Variants in MAOB observed in about 807,000 individuals in gnomAD.
The protein encoded by MAOB is monoamine oxidase B.
In MAOB, 15 loss-of-function variants were observed where a neutral mutation model predicts 41.9. The observed-to-expected ratio is 0.36, with a 90% CI of 0.24 to 0.55. The LOEUF is 0.55. Ranked by LOEUF, MAOB falls within the 20% of genes least tolerant of loss-of-function variation. The pLI is 0.86. For synonymous variants in MAOB, 167 were observed against 144.2 expected (o/e 1.16, Z -1.13); for missense variants, 345 against 398.7 (o/e 0.87, Z 1.15).
intron 3 of MAOB, among the ~76,000 whole-genome samples, chrX:43,822,729 A>G (rs768558845): frequency 5.4e-5 from 6 of 111,982 alleles, no homozygotes; most frequent in Non-Finnish European, 1.1e-4. Context: ...ATTGACACCC[A>G]TATGCTTTTT....
At chrX:43,863,668 T>C (rs2035347663) in intron 1 of MAOB, among the ~76,000 whole-genome samples, 1 of 111,827 alleles carries the variant, frequency 8.9e-6, no homozygotes, top group African/African-American at 3.2e-5. Context: ...TCTTCACAAC[T>C]GATCAACTTT....
intron 11 of MAOB, among the ~76,000 whole-genome samples, chrX:43,777,456 A>G (rs959474339): frequency 1.8e-5 from 2 of 111,542 alleles, no homozygotes; most frequent in East Asian, 5.6e-4. Context: ...ATTTGCTGAG[A>G]AAGAATTCCA....
intron 9 of MAOB, 26 bp downstream of exon 9, chrX:43,781,422 G>A (rs1313927517): frequency 3.1e-6 from 3 of 979,369 alleles, no homozygotes; most frequent in Non-Finnish European, 4.2e-6. Flanking sequence ...CTGAATAGCA[G>A]CCACAACACC....
rs190784774 is a variant in MAOB, at chrX:43,842,578, A to T, written c.141+1092T>A. 8.9e-5 allele frequency among the ~76,000 whole-genome samples: 10 copies of T among 112,252 alleles called. No homozygotes were observed. In the East Asian group the frequency reaches 2.8e-3, roughly 31 times the overall value. On this transcript the variant is annotated intron_variant, in intron 2 of 14. Coordinates refer to ENST00000378069, the MANE Select transcript of MAOB (RefSeq NM_000898.5). The stretch of plus-strand genomic sequence containing the variant: ...TCAGCAATCCCATTTTTGGGAATAT[A>T]TCCAAAAGAATTGAAGTCAATATGT...
intron 9 of MAOB, 66 bp downstream of exon 9, chrX:43,781,382 T>C (rs970540369): frequency 1.3e-5 from 8 of 630,219 alleles, no homozygotes; most frequent in Non-Finnish European, 1.8e-5. Context: ...GGGGCACATT[T>C]GTTAATAGTA....
At chrX:43,843,889 T>C in intron 1 of MAOB, 125 bp from the exon 2 acceptor site, 2 of 1,031,629 alleles carry the variant, frequency 1.9e-6, no homozygotes, top group South Asian at 7.3e-5. Context: ...ACATTCAACT[T>C]ACAAGTGGAT....
chrX:43,778,563 A>T, intron 11 of MAOB, 119 bp downstream of exon 11: 2 of 558,121 alleles, frequency 3.6e-6, no homozygotes, highest in Non-Finnish European at 5.7e-6. Context: ...ATGCCTCTGC[A>T]AATATATTGG....
chrX:43,878,408 TTGTGTGTGTGTG>T (rs66511222), intron 1 of MAOB, among the ~76,000 whole-genome samples: 31 of 88,873 alleles, frequency 3.5e-4, no homozygotes, highest in Non-Finnish European at 1.8e-4. Context: ...TACCCAGCCT[TTGTGTGTGTGTG>T]TGTGTGTGTG....
At chrX:43,851,400 GAC>G (rs2035251404) in intron 1 of MAOB, among the ~76,000 whole-genome samples, 2 of 110,883 alleles carry the variant, frequency 1.8e-5, no homozygotes, top group Admixed American at 1.9e-4. Flanking sequence ...GAAATATTCT[GAC>G]ACAGGCATAC....
chrX:43,779,334 C>T lies in MAOB; in HGVS notation c.1080-595G>A, dbSNP rs981797181. 8.1e-5 allele frequency among the ~76,000 whole-genome samples: 9 copies of T among 111,656 alleles called. No individual in the cohort carries two copies. In the South Asian group the frequency reaches 2.2e-3, roughly 28 times the overall value. On this transcript the variant is annotated intron_variant, in intron 10 of 14. Transcript: ENST00000378069. ...TGAAAGAAATAAAGTAGGATGCTTA[C>T]GTTATTTTCTTACACCAAAATATGT...
chrX:43,816,443 A>G (rs971358682), intron 3 of MAOB, among the ~76,000 whole-genome samples: 1 of 112,232 alleles, frequency 8.9e-6, no homozygotes, highest in Admixed American at 9.4e-5. Flanking sequence ...GATCTCAATG[A>G]AACTGTAAGT....
chrX:43,830,479 T>A (rs761100125), intron 3 of MAOB, among the ~76,000 whole-genome samples: 10 of 112,134 alleles, frequency 8.9e-5, no homozygotes, highest in Non-Finnish European at 1.5e-4. Context: ...ACTTTATTTA[T>A]CTATTTATGA....
At chrX:43,773,354 C>T (rs981498174) in intron 12 of MAOB, among the ~76,000 whole-genome samples, 4 of 111,939 alleles carry the variant, frequency 3.6e-5, no homozygotes, top group African/African-American at 6.5e-5. Flanking sequence ...TTATTCCCTT[C>T]CAGGGACATA....
At chrX:43,872,683 T>C (rs2035415733) in intron 1 of MAOB, among the ~76,000 whole-genome samples, 1 of 112,112 alleles carries the variant, frequency 8.9e-6, no homozygotes. Context: ...TCATATGAAC[T>C]AATGTTATAA....
intron 10 of MAOB, 41 bp from the exon 11 acceptor site, chrX:43,778,780 AGGGAGGG>A (rs1186614000): frequency 6.5e-6 from 7 of 1,075,748 alleles, no homozygotes; most frequent in South Asian, 4.0e-5. Context: ...AAAGGAAAGA[AGGGAGGG>A]AAAAAAAAAG....
intron 1 of MAOB, among the ~76,000 whole-genome samples, chrX:43,851,265 A>G (rs984038555): frequency 8.9e-6 from 1 of 112,210 alleles, no homozygotes; most frequent in Non-Finnish European, 1.9e-5. Context: ...GTGTGTATGC[A>G]TAAACATACT....
At chrX:43,831,600 A>C (rs1046938946) in intron 3 of MAOB, among the ~76,000 whole-genome samples, 8 of 111,028 alleles carry the variant, frequency 7.2e-5, no homozygotes, top group African/African-American at 2.6e-4. Context: ...GAAGAAAGGA[A>C]GGAGGGAGAA....
At chrX:43,790,614 C>T (rs760633798) in intron 8 of MAOB, among the ~76,000 whole-genome samples, 34 of 110,122 alleles carry the variant, frequency 3.1e-4, no homozygotes, top group Admixed American at 2.7e-3. Context: ...GAGATGGAGT[C>T]TCACTCTGTT....
intron 3 of MAOB, among the ~76,000 whole-genome samples, chrX:43,836,823 C>T (rs2035077301): frequency 8.9e-6 from 1 of 112,315 alleles, no homozygotes; most frequent in African/African-American, 3.2e-5. Flanking sequence ...GCATTATTGG[C>T]ATATGTATTT....
Sources: allele counts gnomAD v4.1 joint callset (sites outside exome capture counted in the v4.1 genomes callset), GRCh38; gene constraint gnomAD v4.1.1; transcripts MANE v1.5; gene names NCBI Gene and HGNC (gene_info 2026-07-23, HGNC 2026-07-21).